Variants in EYA3 observed in about 807,000 individuals in gnomAD.
The protein encoded by EYA3 is protein phosphatase EYA3.
Under a neutral mutation model 80.0 loss-of-function variants are expected in EYA3, and 39 were observed. The ratio of observed to expected loss-of-function variants is 0.49; its 90% CI spans 0.38 to 0.64. The LOEUF (loss-of-function observed/expected upper bound fraction) is 0.64. Ranked by LOEUF, EYA3 falls within the 30% of genes least tolerant of loss-of-function variation. EYA3 has a pLI of 0.00. For missense variants in EYA3, 523 were observed against 676.1 expected (o/e 0.77, Z 2.51); for synonymous variants, 206 against 232.8 (o/e 0.88, Z 1.05).
intron 16 of EYA3, among the ~76,000 whole-genome samples, chr1:27,979,895 G>A (rs757838297): frequency 6.6e-6 from 1 of 152,074 alleles, no homozygotes; most frequent in African/African-American, 2.4e-5. Flanking sequence ...ACTTCCATAC[G>A]CAGAAGTCCT....
chr1:28,061,291 C>A (rs1165827989), intron 1 of EYA3, among the ~76,000 whole-genome samples: 1 of 152,190 alleles, frequency 6.6e-6, no homozygotes, highest in East Asian at 1.9e-4. Flanking sequence ...ATACAGTATT[C>A]TCCTGCCTTC....
Position 28,003,445 on chromosome 1 carries a change from G to C in EYA3, c.993+891C>G, listed in dbSNP as rs183407591. Among the ~76,000 whole-genome samples the C allele has an allele frequency of 2.8e-4, 43 of 152,004 alleles. 2 individuals carry two copies. The East Asian group carries it at 8.1e-3, about 29-fold the overall frequency. On this transcript the variant is annotated intron_variant, in intron 11 of 17. Transcript: ENST00000373871. ...GATCATGCTACTGTACTCCAGCCTG[G>C]GTGACAAGAGCAAGACTCTCTCTCA...
At chr1:28,054,847 T>C (rs954610318) in intron 2 of EYA3, among the ~76,000 whole-genome samples, 5 of 152,194 alleles carry the variant, frequency 3.3e-5, no homozygotes, top group Admixed American at 2.6e-4. Flanking sequence ...TGAAACCCTG[T>C]CTCAAACAAA....
intron 1 of EYA3, among the ~76,000 whole-genome samples, chr1:28,068,785 T>G (rs1644922294): frequency 6.6e-6 from 1 of 152,150 alleles, no homozygotes; most frequent in Non-Finnish European, 1.5e-5. Context: ...ATTTACTGGG[T>G]TTTTTTGTTT....
intron 6 of EYA3, among the ~76,000 whole-genome samples, chr1:28,032,439 C>T (rs1643204053): frequency 6.6e-6 from 1 of 152,026 alleles, no homozygotes; most frequent in African/African-American, 2.4e-5. Flanking sequence ...GTGGGTATCT[C>T]TAATTAGTTC....
chr1:28,003,209 G>T (rs1366569564), intron 11 of EYA3, among the ~76,000 whole-genome samples: 5 of 151,970 alleles, frequency 3.3e-5, no homozygotes, highest in Non-Finnish European at 7.4e-5. Flanking sequence ...GGCACAGCTT[G>T]CAGTGAGCTG....
At chr1:28,049,176 A>C (rs1644146200) in intron 2 of EYA3, among the ~76,000 whole-genome samples, 1 of 152,212 alleles carries the variant, frequency 6.6e-6, no homozygotes, top group Non-Finnish European at 1.5e-5. Context: ...ATTTGAAGCA[A>C]GCGTATCAGG....
Position 28,013,026 on chromosome 1 carries a change from G to A in EYA3, c.769+85C>T, listed in dbSNP as rs1641796669. 1 of 1,424,332 alleles carries A rather than the reference G, an allele frequency of 7.0e-7. No homozygotes were observed. Among genetic ancestry groups the A allele is most frequent in the East Asian group, 2.3e-5 (1 of 43,878 alleles). 88.2% of individuals were successfully genotyped at this position (1,424,332 alleles called of 1,614,324 possible). ...AGCATGGTAACAATGACTTAAGACA[G>A]AACAAAATCATCCTTACCATTGCCT... is the stretch of plus-strand genomic sequence containing the variant. On this transcript the variant is annotated intron_variant, in intron 9 of 17. Coordinates refer to ENST00000373871, the MANE Select transcript of EYA3 (RefSeq NM_001990.4). The surrounding 1 kb of genome is among the most constrained non-coding windows in gnomAD (Gnocchi z 4.0).
chr1:28,082,115 C>G (rs1645451315), intron 1 of EYA3, among the ~76,000 whole-genome samples: 1 of 152,144 alleles, frequency 6.6e-6, no homozygotes, highest in South Asian at 2.1e-4. Flanking sequence ...ACAAAAGCTA[C>G]TATAAAAAAA....
At chr1:27,993,790 A>G (rs1640236963) in intron 13 of EYA3, among the ~76,000 whole-genome samples, 1 of 152,224 alleles carries the variant, frequency 6.6e-6, no homozygotes, top group Non-Finnish European at 1.5e-5. Flanking sequence ...GGTAGAAACA[A>G]TTCAAGCACC....
intron 1 of EYA3, among the ~76,000 whole-genome samples, 152 bp downstream of exon 1, chr1:28,088,372 A>C (rs952642484): frequency 6.6e-6 from 1 of 152,162 alleles, no homozygotes; most frequent in African/African-American, 2.4e-5. Flanking sequence ...GCCAGCGTGA[A>C]GGAAAGGGCT....
At chr1:28,025,769 TA>T (rs774509749) in intron 7 of EYA3, among the ~76,000 whole-genome samples, 3 of 152,162 alleles carry the variant, frequency 2.0e-5, no homozygotes, top group Non-Finnish European at 2.9e-5. Flanking sequence ...AATTTCTATT[TA>T]TTTTTTTGAG....
At chr1:28,081,648 T>C (rs557704061) in intron 1 of EYA3, among the ~76,000 whole-genome samples, 33 of 152,310 alleles carry the variant, frequency 2.2e-4, no homozygotes, top group African/African-American at 7.7e-4. Context: ...ATTAACATCA[T>C]TGTGCTAAAT....
chr1:28,067,021 A>G (rs536639071), intron 1 of EYA3, among the ~76,000 whole-genome samples: 2 of 152,306 alleles, frequency 1.3e-5, no homozygotes, highest in East Asian at 3.9e-4. Context: ...AAATCTAAAC[A>G]ATAAAACCAA....
chr1:28,037,339 T>C (rs1643513859), intron 5 of EYA3, among the ~76,000 whole-genome samples: 1 of 152,260 alleles, frequency 6.6e-6, no homozygotes, highest in Non-Finnish European at 1.5e-5. Context: ...GCAAATACTT[T>C]CTGAATGAAT....
Position 27,988,528 on chromosome 1 carries a change from A to G in EYA3, c.1540+7T>C. ...GCCAGTGACAAGAAACAGCATAGAA[A>G]CCATACCAATTTTGGTAGCACTATA... On this transcript the variant is annotated splice_region_variant and intron_variant, in intron 16 of 17. Coordinates refer to ENST00000373871, the MANE Select transcript of EYA3 (RefSeq NM_001990.4). 1 of 1,612,402 alleles carries G rather than the reference A, an allele frequency of 6.2e-7. No individual in the cohort carries two copies. Among genetic ancestry groups the G allele is most frequent in the Non-Finnish European group, 8.5e-7 (1 of 1,179,496 alleles).
At position 28,006,378 on chromosome 1, in the gene EYA3, G is replaced by A. The variant is rs1433430242; in HGVS notation, c.910-1959C>T. On this transcript the variant is annotated intron_variant, in intron 10 of 17. Transcript: ENST00000373871. Reference sequence around the variant, plus strand: ...TTTTTCAATAAATGAGGGATAGAAGGGAATGTTATCAATATGATAAAGGCC... The same window carrying A: ...TTTTTCAATAAATGAGGGATAGAAGAGAATGTTATCAATATGATAAAGGCC... 2.6e-5 allele frequency among the ~76,000 whole-genome samples: 4 copies of A among 152,056 alleles called. No homozygotes were observed. The East Asian group carries it at 5.8e-4, about 22-fold the overall frequency.
At chr1:27,982,973 T>C (rs564979407) in intron 16 of EYA3, among the ~76,000 whole-genome samples, 1 of 152,336 alleles carries the variant, frequency 6.6e-6, no homozygotes, top group South Asian at 2.1e-4. Context: ...TTTCTGTTCA[T>C]GGACAGGTTT....
chr1:28,046,139 A>G (rs2148871858), intron 3 of EYA3, among the ~76,000 whole-genome samples: 1 of 152,296 alleles, frequency 6.6e-6, no homozygotes, highest in East Asian at 1.9e-4. Flanking sequence ...ATGGAATTTC[A>G]GTTTGGAAAG....
Sources: allele counts gnomAD v4.1 joint callset (sites outside exome capture counted in the v4.1 genomes callset), GRCh38; gene constraint gnomAD v4.1.1; non-coding constraint Gnocchi (gnomAD v3.1); transcripts MANE v1.5; gene names NCBI Gene and HGNC (gene_info 2026-07-23, HGNC 2026-07-21).